The following B3GLCT variants were observed in gnomAD, a reference collection of about 807,000 sequenced individuals.
The protein encoded by B3GLCT is beta-1,3-glucosyltransferase.
In B3GLCT, 65 loss-of-function variants were observed where a neutral mutation model predicts 63.4. The observed-to-expected ratio is 1.03, with a 90% CI of 0.84 to 1.26. The LOEUF is 1.26. Among genes scored for constraint, B3GLCT ranks in the 50% most tolerant of loss-of-function variants. The pLI is 0.00. For synonymous variants in B3GLCT, 233 were observed against 219.2 expected (o/e 1.06, Z -0.55); for missense variants, 577 against 604.8 (o/e 0.95, Z 0.48).
chr13:31,248,608 G>C (rs1182083954), intron 6 of B3GLCT, among the ~76,000 whole-genome samples: 1 of 152,158 alleles, frequency 6.6e-6, no homozygotes, highest in East Asian at 1.9e-4. Flanking sequence ...GAGAAAGAGG[G>C]TCTACCAGGC....
Position 31,329,437 on chromosome 13 carries a change from T to G in B3GLCT, c.1330-64T>G, listed in dbSNP as rs1352042465. Reference sequence around the variant, plus strand: ...AAGCAGTCCACTTTATAAATTCAAATGCTCTTCTGCAGCAAAATTATATTC... The same window carrying G: ...AAGCAGTCCACTTTATAAATTCAAAGGCTCTTCTGCAGCAAAATTATATTC... On this transcript the variant is annotated intron_variant, in intron 14 of 14. Transcript: ENST00000343307. 9 of 1,581,446 alleles carry G rather than the reference T, an allele frequency of 5.7e-6. No homozygotes were observed. The African/African-American group carries it at 1.2e-4, about 21-fold the overall frequency.
chr13:31,227,098 A>G (rs946295527), intron 3 of B3GLCT, among the ~76,000 whole-genome samples: 6 of 152,194 alleles, frequency 3.9e-5, no homozygotes, highest in African/African-American at 1.4e-4. Context: ...TATGGGATTT[A>G]TCCATCTGGA....
chr13:31,312,431 G>A (rs976670660), intron 12 of B3GLCT: 2 of 152,190 alleles, frequency 1.3e-5, no homozygotes, highest in Non-Finnish European at 2.9e-5. Flanking sequence ...AAATACATTG[G>A]AAAGCAGAAG....
At chr13:31,293,200 T>G (rs992122527) in intron 12 of B3GLCT, among the ~76,000 whole-genome samples, 1 of 152,236 alleles carries the variant, frequency 6.6e-6, no homozygotes, top group Non-Finnish European at 1.5e-5. Flanking sequence ...TTACATTTGC[T>G]GAGGAGTGTT....
chr13:31,256,772 G>T (rs1301862088), intron 6 of B3GLCT, among the ~76,000 whole-genome samples: 2 of 152,120 alleles, frequency 1.3e-5, no homozygotes, highest in African/African-American at 4.8e-5. Flanking sequence ...GAGCCTTGTG[G>T]GCGGTGGGGG....
At chr13:31,236,982 C>T (rs9599462) in intron 4 of B3GLCT, among the ~76,000 whole-genome samples, 93,534 of 151,724 alleles carry the variant, frequency 0.62, 30,404 homozygotes, top group Middle Eastern at 0.76. Context: ...AAAAATTAGC[C>T]GGTCGTGGTG....
At chr13:31,237,970 AAGT>A (rs1284153886) in intron 4 of B3GLCT, among the ~76,000 whole-genome samples, 1 of 152,208 alleles carries the variant, frequency 6.6e-6, no homozygotes, top group African/African-American at 2.4e-5. Flanking sequence ...GGTGAGGCAG[AAGT>A]CAGCAGTAAG....
intron 11 of B3GLCT, among the ~76,000 whole-genome samples, chr13:31,285,448 T>G (rs1275041036): frequency 6.6e-6 from 1 of 152,078 alleles, no homozygotes; most frequent in Non-Finnish European, 1.5e-5. Context: ...CTTGTACCTC[T>G]TAAATCTATA....
intron 7 of B3GLCT, 68 bp from the exon 8 acceptor site, chr13:31,269,146 C>A: frequency 2.9e-6 from 3 of 1,041,912 alleles, no homozygotes; most frequent in South Asian, 1.3e-5. Context: ...TAGAAAGTCT[C>A]AAGAATGTGT....
At chr13:31,248,828 G>A (rs534059794) in intron 6 of B3GLCT, among the ~76,000 whole-genome samples, 18 of 152,286 alleles carry the variant, frequency 1.2e-4, no homozygotes, top group African/African-American at 4.1e-4. Context: ...GAATATTTGC[G>A]AATGACTTTA....
At chr13:31,295,388 G>A (rs1343281384) in intron 12 of B3GLCT, among the ~76,000 whole-genome samples, 1 of 152,164 alleles carries the variant, frequency 6.6e-6, no homozygotes, top group Non-Finnish European at 1.5e-5. Context: ...AGGCATGAAC[G>A]TTTAAGTCTG....
chr13:31,299,378 C>A (rs1874114347), intron 12 of B3GLCT, among the ~76,000 whole-genome samples: 1 of 152,198 alleles, frequency 6.6e-6, no homozygotes, highest in African/African-American at 2.4e-5. Flanking sequence ...CATGCAATAT[C>A]TTCTGTTTAG....
chr13:31,280,104 G>T (rs986976728), intron 10 of B3GLCT, among the ~76,000 whole-genome samples: 1 of 152,028 alleles, frequency 6.6e-6, no homozygotes, highest in Non-Finnish European at 1.5e-5. Flanking sequence ...TCATCACAGG[G>T]TCCTGAGGTG....
chr13:31,211,385 G>C (rs1358497739), intron 1 of B3GLCT, among the ~76,000 whole-genome samples: 3 of 152,144 alleles, frequency 2.0e-5, no homozygotes, highest in Admixed American at 6.5e-5. Flanking sequence ...AACAGAGTGA[G>C]ACCTGTCTCA....
chr13:31,216,533 G>T (rs1869572620), intron 2 of B3GLCT, among the ~76,000 whole-genome samples: 1 of 152,132 alleles, frequency 6.6e-6, no homozygotes, highest in African/African-American at 2.4e-5. Flanking sequence ...TTGATGGATA[G>T]ATTATTTTGT....
chr13:31,243,506 TAA>T (rs2137798910), intron 4 of B3GLCT, among the ~76,000 whole-genome samples: 1 of 152,362 alleles, frequency 6.6e-6, no homozygotes, highest in African/African-American at 2.4e-5. Flanking sequence ...TTCATACTAT[TAA>T]TATTTCTACA....
intron 6 of B3GLCT, among the ~76,000 whole-genome samples, chr13:31,258,684 C>T (rs187241285): frequency 2.6e-5 from 4 of 152,320 alleles, no homozygotes; most frequent in Non-Finnish European, 4.4e-5. Flanking sequence ...CTGTCTCCCT[C>T]TATGACTTCC....
At chr13:31,292,001 T>C (rs888827625) in intron 12 of B3GLCT, among the ~76,000 whole-genome samples, 2 of 152,174 alleles carry the variant, frequency 1.3e-5, no homozygotes, top group Non-Finnish European at 2.9e-5. Flanking sequence ...CAATACCTAG[T>C]TTATTGGGTG....
At chr13:31,234,005 T>G (rs1481773340) in intron 4 of B3GLCT, among the ~76,000 whole-genome samples, 1 of 82,346 alleles carries the variant, frequency 1.2e-5, no homozygotes, top group Non-Finnish European at 3.6e-5. Context: ...CAGGCAGTTT[T>G]TCTTTTTTTT....
Sources: gnomAD v4.1 joint callset for allele counts (sites outside exome capture counted in the v4.1 genomes callset) on GRCh38, gnomAD v4.1.1 for gene constraint, MANE v1.5 for transcripts, NCBI Gene and HGNC (gene_info 2026-07-23, HGNC 2026-07-21) for gene names.